SSX5: variants seen among roughly 807,000 people sequenced by gnomAD.
SSX5 encodes the protein protein SSX5.
A neutral mutation model predicts 14.9 loss-of-function variants in SSX5; 14 were observed. The observed-to-expected ratio is 0.94, with a 90% CI of 0.62 to 1.47. The LOEUF (loss-of-function observed/expected upper bound fraction) is 1.47. Among genes scored for constraint, SSX5 ranks in the 40% most tolerant of loss-of-function variants. The pLI, the probability that SSX5 is intolerant of heterozygous loss-of-function variation, is 0.00. For synonymous variants in SSX5, 70 were observed against 55.4 expected (o/e 1.26, Z -1.17); for missense variants, 204 against 154.6 (o/e 1.32, Z -1.70).
At chrX:48,187,121 T>G (rs1409381529) in intron 7 of SSX5, among the ~76,000 whole-genome samples, 12 of 111,389 alleles carry the variant, frequency 1.1e-4, no homozygotes, top group African/African-American at 3.6e-4. Context: ...CACAGCATCC[T>G]GGGTAGGGAG....
In SSX5 at chrX:48,186,667, A is replaced by C; in HGVS notation, c.*194T>G. On this transcript the variant is annotated 3_prime_UTR_variant, in exon 8 of 8. Coordinates refer to ENST00000347757, the MANE Select transcript of SSX5 (RefSeq NM_175723.2). ...ATCTAACAGAATGGCACACTGTAACAAAATACAACAGAAACACTAACATCG... is the reference window on the plus strand; with the variant it reads ...ATCTAACAGAATGGCACACTGTAACCAAATACAACAGAAACACTAACATCG... 1 of 841,469 alleles carries C rather than the reference A, an allele frequency of 1.2e-6. No homozygotes were observed. 69.3% of individuals were successfully genotyped at this position (841,469 alleles called of 1,213,427 possible). A position where few individuals can be genotyped will look rare whatever the true frequency, so the allele number is the denominator to read the frequency against.
intron 4 of SSX5, among the ~76,000 whole-genome samples, chrX:48,193,085 G>C (rs1368627021): frequency 4.5e-5 from 5 of 111,619 alleles, no homozygotes; most frequent in Non-Finnish European, 9.4e-5. Flanking sequence ...AGAGAATCAG[G>C]GTTCTTTGGG....
chrX:48,191,008 G>A (rs2059417784), intron 5 of SSX5, among the ~76,000 whole-genome samples: 1 of 109,786 alleles, frequency 9.1e-6, no homozygotes, highest in African/African-American at 3.3e-5. Context: ...ATGTTTAAGC[G>A]ATTCTCCTTC....
chrX:48,192,493 C>A (rs2059424148), intron 4 of SSX5: 4 of 518,017 alleles, frequency 7.7e-6, no homozygotes, highest in Non-Finnish European at 1.3e-5. Context: ...TGGTTTATCA[C>A]ATGGGGACTA....
At chrX:48,195,127 A>T in intron 2 of SSX5, 163 bp downstream of exon 2, 1 of 1,211,439 alleles carries the variant, frequency 8.3e-7, no homozygotes, top group Non-Finnish European at 1.1e-6. Context: ...GTCTCCAGGG[A>T]TGCTAGGTGA....
intron 4 of SSX5, among the ~76,000 whole-genome samples, chrX:48,192,848 A>G (rs782640706): frequency 8.9e-6 from 1 of 112,584 alleles, no homozygotes; most frequent in East Asian, 2.8e-4. Flanking sequence ...TAATAGGTCT[A>G]TTGGAGACAG....
Position 48,186,385 on chromosome X carries a change from TGTGTGTGTGTGTGTGTGTGCGCGCGC to T in SSX5, c.*450_*475del. ...TACTTGGTGTGTGTGTGTGTGTGTG[TGTGTGTGTGTGTGTGTGTGCGCGCGC>T]GCGCGCATGTGTGTCTGTGTGGCAT... On this transcript the variant is annotated 3_prime_UTR_variant, in exon 8 of 8. Coordinates refer to ENST00000347757, the MANE Select transcript of SSX5 (RefSeq NM_175723.2). 4.5e-6 allele frequency: 1 copy of T among 224,597 alleles called. No homozygotes were observed. Among genetic ancestry groups the T allele is most frequent in the African/African-American group, 3.1e-5 (1 of 32,615 alleles). 18.5% of individuals were successfully genotyped at this position (224,597 alleles called of 1,213,427 possible).
At chrX:48,195,096 G>A in intron 2 of SSX5, 194 bp downstream of exon 2, 2 of 1,211,497 alleles carry the variant, frequency 1.7e-6, no homozygotes, top group Non-Finnish European at 2.2e-6. Flanking sequence ...TTCACCAAAT[G>A]TATTCCACGG....
At chrX:48,196,027 T>C (rs1326675825) in intron 1 of SSX5, among the ~76,000 whole-genome samples, 6 of 111,669 alleles carry the variant, frequency 5.4e-5, no homozygotes, top group African/African-American at 9.8e-5. Context: ...GGCTCACTCC[T>C]GTAATCCCAG....
intron 6 of SSX5, among the ~76,000 whole-genome samples, chrX:48,188,370 A>G (rs1371501995): frequency 8.9e-6 from 1 of 112,422 alleles, no homozygotes; most frequent in Admixed American, 9.4e-5. Flanking sequence ...CCCCTCAAAC[A>G]TTTATCCTTG....
At chrX:48,194,911 G>T in intron 2 of SSX5, 57 bp from the exon 3 acceptor site, 1 of 1,205,171 alleles carries the variant, frequency 8.3e-7, no homozygotes, top group Non-Finnish European at 1.1e-6. Context: ...CTGCCATTCA[G>T]CTGGAGCCGC....
At chrX:48,191,181 TC>T (rs1457669778) in intron 5 of SSX5, among the ~76,000 whole-genome samples, 6 of 110,942 alleles carry the variant, frequency 5.4e-5, no homozygotes, top group Admixed American at 2.9e-4. Flanking sequence ...GGGATTACAG[TC>T]GTGAGCCACC....
chrX:48,194,289 C>G, intron 3 of SSX5, 65 bp from the exon 4 acceptor site: 4 of 1,104,190 alleles, frequency 3.6e-6, no homozygotes, highest in Non-Finnish European at 5.0e-6. Flanking sequence ...TGGCTCATGT[C>G]TGTAGTAGCA....
In SSX5 at chrX:48,186,835, G is replaced by A. The variant is rs1327029255; in HGVS notation, c.*26C>T. The A allele has an allele frequency of 8.4e-7, 1 of 1,196,187 alleles. No individual in the cohort carries two copies. The highest frequency in any genetic ancestry group is 1.1e-6 in the Non-Finnish European group (1 of 894,986). On this transcript the variant is annotated 3_prime_UTR_variant, in exon 8 of 8. Transcript: ENST00000347757. ...TCACCACGTTCTGCTTCTCATCATG[G>A]GCATGTGTCATATCCCCGAGGCTGA...
At chrX:48,189,772 A>G (rs1452401100) in intron 6 of SSX5, among the ~76,000 whole-genome samples, 4 of 111,982 alleles carry the variant, frequency 3.6e-5, no homozygotes, top group Non-Finnish European at 7.5e-5. Context: ...GTAAGATATG[A>G]TCCCAGGTAA....
chrX:48,196,369 TTGAG>T (rs2059441339), intron 1 of SSX5, among the ~76,000 whole-genome samples: 1 of 109,587 alleles, frequency 9.1e-6, no homozygotes, highest in African/African-American at 3.3e-5. Context: ...GAGGAAAGAT[TTGAG>T]TGAGTTTTTT....
In SSX5 at chrX:48,186,634, A is replaced by G. The variant is rs2059398669; in HGVS notation, c.*227T>C. ...AAGTATGTCTTGCTCATCAGTGAAA[A>G]CGCTAATATCTAACAGAATGGCACA... On this transcript the variant is annotated 3_prime_UTR_variant, in exon 8 of 8. Coordinates refer to ENST00000347757, the MANE Select transcript of SSX5 (RefSeq NM_175723.2). 1.6e-6 allele frequency: 1 copy of G among 617,811 alleles called. No homozygotes were observed. The highest frequency in any genetic ancestry group is 2.5e-6 in the Non-Finnish European group (1 of 398,716). 50.9% of individuals were successfully genotyped at this position (617,811 alleles called of 1,213,427 possible). A position where few individuals can be genotyped will look rare whatever the true frequency, so the allele number is the denominator to read the frequency against.
rs782672798 is a variant in SSX5, at chrX:48,194,198, T to G, written c.211A>C (p.Met71Leu). 8.3e-6 allele frequency: 10 copies of G among 1,210,417 alleles called. No individual in the cohort carries two copies. The Admixed American group carries it at 2.2e-4, about 26-fold the overall frequency. Residue 71 changes from methionine to leucine, a missense_variant, in exon 4 of 8, where the codon ATG (methionine) becomes CTG (leucine). Met to Leu is a conservative substitution (Grantham distance 15). Transcript: ENST00000347757. Reference protein sequence around the residue: ...LGFKATLPPFMRNKRVADFQG... With the variant: ...LGFKATLPPFLRNKRVADFQG... ...AAGTCTGCGACCCGTTTATTACGCA[T>G]GAAAGGTGGGAGGGTGGCCTTGAAA...
chrX:48,190,815 C>T (rs1253925365), intron 5 of SSX5, among the ~76,000 whole-genome samples: 1 of 111,312 alleles, frequency 9.0e-6, no homozygotes, highest in Non-Finnish European at 1.9e-5. Flanking sequence ...ACCAGCCTAC[C>T]GAGGCACCAA....
Sources: allele counts gnomAD v4.1 joint callset (sites outside exome capture counted in the v4.1 genomes callset), GRCh38; gene constraint gnomAD v4.1.1; transcripts MANE v1.5; gene names NCBI Gene and HGNC (gene_info 2026-07-23, HGNC 2026-07-21).